Variants in MAD1L1 observed in about 807,000 individuals in gnomAD.
The protein encoded by MAD1L1 is mitotic spindle assembly checkpoint protein MAD1.
MAD1L1 carries 95 observed loss-of-function variants against 96.9 expected under a neutral mutation model. That is an observed-to-expected ratio of 0.98 (90% CI 0.83 to 1.16). The LOEUF is 1.16. Ranked by LOEUF, MAD1L1 falls within the 50% of genes most tolerant of loss-of-function variation. The pLI, the probability that MAD1L1 is intolerant of heterozygous loss-of-function variation, is 0.00. For missense variants in MAD1L1, 1,007 were observed against 954.4 expected (o/e 1.06, Z -0.73); for synonymous variants, 473 against 396.6 (o/e 1.19, Z -2.29).
At chr7:1,861,346 G>A (rs996827476) in intron 18 of MAD1L1, among the ~76,000 whole-genome samples, 2 of 152,238 alleles carry the variant, frequency 1.3e-5, no homozygotes, top group African/African-American at 4.8e-5. Flanking sequence ...CGGGGCTGAG[G>A]TGGGGACTAA....
intron 12 of MAD1L1, among the ~76,000 whole-genome samples, chr7:2,016,753 A>G (rs897467671): frequency 2.0e-5 from 3 of 152,256 alleles, no homozygotes; most frequent in African/African-American, 7.2e-5. Context: ...CTGATGACAA[A>G]AAATTCAAAA....
intron 12 of MAD1L1, among the ~76,000 whole-genome samples, chr7:2,027,875 A>G (rs1054710554): frequency 6.6e-6 from 1 of 152,264 alleles, no homozygotes; most frequent in Non-Finnish European, 1.5e-5. Flanking sequence ...AAGAAGAGGC[A>G]TGAAAGGTAC....
chr7:2,052,218 C>A (rs940256924), intron 12 of MAD1L1, among the ~76,000 whole-genome samples: 3 of 152,160 alleles, frequency 2.0e-5, no homozygotes, highest in Admixed American at 1.3e-4. Context: ...ACAGCCACAG[C>A]TCCGCCACAG....
intron 15 of MAD1L1, among the ~76,000 whole-genome samples, chr7:1,973,860 T>C (rs1230451510): frequency 6.6e-6 from 1 of 152,192 alleles, no homozygotes; most frequent in Non-Finnish European, 1.5e-5. Flanking sequence ...CTCTGCTGAA[T>C]GGCACCAAGG....
At chr7:2,120,435 G>A (rs1787919909) in intron 11 of MAD1L1, among the ~76,000 whole-genome samples, 1 of 152,218 alleles carries the variant, frequency 6.6e-6, no homozygotes, top group Non-Finnish European at 1.5e-5. Flanking sequence ...GGAGAGCCTG[G>A]GGGCGCAGCC....
intron 17 of MAD1L1, among the ~76,000 whole-genome samples, chr7:1,902,346 C>T (rs1195388493): frequency 6.6e-6 from 1 of 152,194 alleles, no homozygotes; most frequent in South Asian, 2.1e-4. Flanking sequence ...CAGTTCACAG[C>T]CTGAAACGCA....
At chr7:1,940,880 C>T (rs972334896) in intron 16 of MAD1L1, among the ~76,000 whole-genome samples, 7 of 147,560 alleles carry the variant, frequency 4.7e-5, no homozygotes, top group Non-Finnish European at 1.1e-4. Context: ...AAGAACCAGG[C>T]CGCACAGCGT....
At chr7:2,058,621 T>A in intron 12 of MAD1L1, among the ~76,000 whole-genome samples, 1 of 52,806 alleles carries the variant, frequency 1.9e-5, no homozygotes, top group African/African-American at 8.2e-5. Flanking sequence ...AGAGTGGGAG[T>A]GTGGCCAGGG....
intron 18 of MAD1L1, among the ~76,000 whole-genome samples, chr7:1,858,260 C>A (rs913609180): frequency 2.0e-5 from 3 of 152,226 alleles, no homozygotes; most frequent in Non-Finnish European, 4.4e-5. Flanking sequence ...CAGGAGATAG[C>A]GGTGCTGGGA....
chr7:2,072,489 A>G (rs1383787040), intron 11 of MAD1L1, among the ~76,000 whole-genome samples: 1 of 152,250 alleles, frequency 6.6e-6, no homozygotes, highest in Admixed American at 6.5e-5. Context: ...AGCTCATGGG[A>G]AACACATATT....
intron 18 of MAD1L1, among the ~76,000 whole-genome samples, chr7:1,854,696 C>T (rs1208284456): frequency 6.6e-6 from 1 of 152,186 alleles, no homozygotes; most frequent in Non-Finnish European, 1.5e-5. Flanking sequence ...AGCATCCTGC[C>T]CCTGTCCCCA....
rs994613485 is a variant in MAD1L1 at position 2,149,170 on chromosome 7, T to C, written c.1055A>G (p.Asn352Ser). ...QQRELALKDK[N>S]SAVTSSARGL... is the part of the protein sequence containing the mutation. ...GGTCTACCTGCTGGTGACGGCGCTG[T>C]TCTTGTCCTTCAAGGCAAGCTCCCT... Residue 352 changes from asparagine (N) to serine (S), a missense_variant, in exon 11 of 19, where the codon AAC becomes AGC. By Grantham distance (46) the Asn-to-Ser change is conservative (BLOSUM62 1). Coordinates refer to ENST00000265854, the MANE Select transcript of MAD1L1 (RefSeq NM_001013836.2). The C allele has an allele frequency of 6.2e-6, 10 of 1,614,032 alleles. No homozygotes were observed. Among genetic ancestry groups the C allele is most frequent in the East Asian group, 4.5e-5 (2 of 44,896 alleles).
chr7:2,013,244 C>T (rs985289562), intron 13 of MAD1L1, among the ~76,000 whole-genome samples: 1 of 152,242 alleles, frequency 6.6e-6, no homozygotes, highest in Non-Finnish European at 1.5e-5. Flanking sequence ...CAGCTGGTCA[C>T]TGGCTGAATG....
intron 11 of MAD1L1, among the ~76,000 whole-genome samples, chr7:2,072,626 C>T (rs370674615): frequency 1.2e-4 from 19 of 152,344 alleles, no homozygotes; most frequent in Admixed American, 6.5e-4. Flanking sequence ...CTTTAAATCA[C>T]GGCTCCGTGT....
At chr7:2,002,661 A>G (rs1781850875) in intron 13 of MAD1L1, among the ~76,000 whole-genome samples, 1 of 152,138 alleles carries the variant, frequency 6.6e-6, no homozygotes, top group Admixed American at 6.5e-5. Flanking sequence ...ACACTCCCCA[A>G]AGGGCACCAG....
At chr7:1,817,569 G>A (rs1192357625) in intron 18 of MAD1L1, 1 of 152,268 alleles carries the variant, frequency 6.6e-6, no homozygotes, top group East Asian at 1.9e-4. Flanking sequence ...TCCGTGCCCA[G>A]GGGATGTCCT....
At chr7:1,856,692 G>A (rs924759694) in intron 18 of MAD1L1, among the ~76,000 whole-genome samples, 1 of 150,846 alleles carries the variant, frequency 6.6e-6, no homozygotes, top group African/African-American at 2.5e-5. Context: ...CCCGAAGATG[G>A]CATAGCCCCG....
rs1203426781 is a variant in MAD1L1 at position 1,815,828 on chromosome 7, G to C, written c.*242C>G. On this transcript the variant is annotated 3_prime_UTR_variant, in exon 19 of 19. Coordinates refer to ENST00000265854, the MANE Select transcript of MAD1L1 (RefSeq NM_001013836.2). ...AGAAGATTTTATTTCACAAGGTGAG[G>C]AACCCAGGCTGGTGGCCGACGCCCA... The C allele has an allele frequency of 2.5e-5, 13 of 527,922 alleles. No individual in the cohort carries two copies. Among genetic ancestry groups the C allele is most frequent in the Non-Finnish European group, 3.0e-5 (9 of 295,744 alleles). 32.7% of individuals were successfully genotyped at this position (527,922 alleles called of 1,614,324 possible).
At chr7:2,216,096 C>A in intron 8 of MAD1L1, 61 bp downstream of exon 8, 2 of 1,607,762 alleles carry the variant, frequency 1.2e-6, no homozygotes, top group Non-Finnish European at 8.5e-7. Flanking sequence ...GCACAGTGGG[C>A]TCCATGTGCA....
Sources: allele counts gnomAD v4.1 joint callset (sites outside exome capture counted in the v4.1 genomes callset), GRCh38; gene constraint gnomAD v4.1.1; transcripts MANE v1.5; gene names NCBI Gene and HGNC (gene_info 2026-07-23, HGNC 2026-07-21).